Variants in IL1RAPL2 observed in about 807,000 individuals in gnomAD.
IL1RAPL2 encodes the protein interleukin 1 receptor accessory protein like 2.
Under a neutral mutation model 44.1 loss-of-function variants are expected in IL1RAPL2, and 3 were observed. That is an observed-to-expected ratio of 0.07 (90% CI 0.03 to 0.18). IL1RAPL2 has a LOEUF of 0.18. Ranked by LOEUF, IL1RAPL2 falls within the 10% of genes least tolerant of loss-of-function variation. The pLI is 1.00. For missense variants in IL1RAPL2, 391 were observed against 496.4 expected, an observed-to-expected ratio of 0.79 and a Z score of 2.02; for synonymous variants, 181 against 178.8, an observed-to-expected ratio of 1.01 and a Z score of -0.10.
At chrX:105,555,514 G>T (rs772261185) in intron 6 of IL1RAPL2, among the ~76,000 whole-genome samples, 11 of 112,185 alleles carry the variant, frequency 9.8e-5, no homozygotes, top group African/African-American at 3.2e-4. Flanking sequence ...GTAAGTGGAA[G>T]TTCTAAGAAG....
At chrX:105,104,471 T>A (rs1165039652) in intron 2 of IL1RAPL2, among the ~76,000 whole-genome samples, 1 of 111,805 alleles carries the variant, frequency 8.9e-6, no homozygotes, top group African/African-American at 3.3e-5. Context: ...TGTAACTGGA[T>A]GAACAATGGA....
At chrX:104,572,025 A>G (rs1407186025) in intron 1 of IL1RAPL2, among the ~76,000 whole-genome samples, 1 of 112,244 alleles carries the variant, frequency 8.9e-6, no homozygotes, top group African/African-American at 3.2e-5. Flanking sequence ...GCATCACTCT[A>G]GGAATCATCT....
At chrX:105,187,171 G>A (rs2033595947) in intron 2 of IL1RAPL2, among the ~76,000 whole-genome samples, 1 of 111,851 alleles carries the variant, frequency 8.9e-6, no homozygotes, top group African/African-American at 3.3e-5. Flanking sequence ...TAAAAAACTT[G>A]TAAAGCACTG....
At chrX:105,321,353 C>G (rs2034895918) in intron 5 of IL1RAPL2, among the ~76,000 whole-genome samples, 1 of 111,480 alleles carries the variant, frequency 9.0e-6, no homozygotes, top group African/African-American at 3.3e-5. Flanking sequence ...GACCAGCATG[C>G]AGATATCCCA....
intron 3 of IL1RAPL2, among the ~76,000 whole-genome samples, chrX:105,204,426 A>C (rs1020708490): frequency 8.9e-6 from 1 of 111,994 alleles, no homozygotes; most frequent in Non-Finnish European, 1.9e-5. Flanking sequence ...AACTCTTTAA[A>C]AGGGCAGAGG....
At chrX:105,243,580 TATATGTGTATATATATATATATATA>T (rs1215927740) in intron 4 of IL1RAPL2, among the ~76,000 whole-genome samples, 1 of 92,326 alleles carries the variant, frequency 1.1e-5, no homozygotes, top group African/African-American at 5.5e-5. Context: ...TATATATATA[TATATGTGTATATATATATATATATA>T]TTTTTTTTTT....
chrX:105,500,596 C>A (rs1373574066), intron 6 of IL1RAPL2, among the ~76,000 whole-genome samples: 1 of 111,349 alleles, frequency 9.0e-6, no homozygotes, highest in Non-Finnish European at 1.9e-5. Context: ...CCTCCTCTTT[C>A]TCATCTTTAA....
At chrX:104,696,641 AAC>A (rs1167956866) in intron 2 of IL1RAPL2, among the ~76,000 whole-genome samples, 4 of 111,743 alleles carry the variant, frequency 3.6e-5, no homozygotes, top group African/African-American at 1.3e-4. Context: ...CATAGTAGGA[AAC>A]ACAGGGATTT....
intron 4 of IL1RAPL2, among the ~76,000 whole-genome samples, chrX:105,236,211 TCTC>T (rs1165538698): frequency 8.9e-6 from 1 of 112,122 alleles, no homozygotes; most frequent in Non-Finnish European, 1.9e-5. Context: ...ACTTCTTTCT[TCTC>T]CTTTTCTCAT....
chrX:104,685,195 T>G (rs1930963339), intron 2 of IL1RAPL2, among the ~76,000 whole-genome samples: 1 of 112,223 alleles, frequency 8.9e-6, no homozygotes, highest in Non-Finnish European at 1.9e-5. Context: ...TTCTCTTAAC[T>G]GACAGAAACA....
At chrX:105,252,175 A>G (rs910347315) in intron 4 of IL1RAPL2, among the ~76,000 whole-genome samples, 16 of 111,594 alleles carry the variant, frequency 1.4e-4, no homozygotes, top group Non-Finnish European at 2.1e-4. Context: ...ATATAAATGG[A>G]ATAATATGAT....
chrX:105,293,334 G>A (rs1184325686), intron 5 of IL1RAPL2, among the ~76,000 whole-genome samples: 1 of 111,899 alleles, frequency 8.9e-6, no homozygotes, highest in Non-Finnish European at 1.9e-5. Context: ...TTTCATATCA[G>A]TAATGATAGA....
intron 2 of IL1RAPL2, among the ~76,000 whole-genome samples, chrX:105,115,929 C>G (rs1209005306): frequency 8.8e-6 from 1 of 113,417 alleles, no homozygotes; most frequent in Non-Finnish European, 1.9e-5. Flanking sequence ...GGCGAGAAAT[C>G]AAGCACAGCA....
intron 5 of IL1RAPL2, among the ~76,000 whole-genome samples, chrX:105,403,842 C>T (rs1313439367): frequency 2.7e-5 from 3 of 111,475 alleles, no homozygotes; most frequent in African/African-American, 6.5e-5. Context: ...CACCTCCAAA[C>T]GGCCATTAAA....
intron 2 of IL1RAPL2, among the ~76,000 whole-genome samples, chrX:104,709,226 C>G (rs1190043661): frequency 9.2e-6 from 1 of 108,877 alleles, no homozygotes; most frequent in African/African-American, 3.3e-5. Context: ...TTGAGCCTGT[C>G]CCATTCAGAG....
chrX:104,593,991 A>G (rs1928717603), intron 1 of IL1RAPL2, among the ~76,000 whole-genome samples: 1 of 112,007 alleles, frequency 8.9e-6, no homozygotes, highest in Non-Finnish European at 1.9e-5. Flanking sequence ...TTTATTTCTT[A>G]TCTGTCTTCT....
intron 2 of IL1RAPL2, among the ~76,000 whole-genome samples, chrX:105,033,183 C>T (rs2031546576): frequency 9.0e-6 from 1 of 111,517 alleles, no homozygotes; most frequent in Non-Finnish European, 1.9e-5. Flanking sequence ...ATCCAATTTG[C>T]CAGTCTGTGT....
At chrX:105,548,438 A>G (rs2036824340) in intron 6 of IL1RAPL2, among the ~76,000 whole-genome samples, 1 of 111,469 alleles carries the variant, frequency 9.0e-6, no homozygotes, top group African/African-American at 3.3e-5. Flanking sequence ...TAAACAGCAT[A>G]GACAAAAGCC....
chrX:104,575,255 TATA>T (rs1449404144), intron 1 of IL1RAPL2, among the ~76,000 whole-genome samples: 22 of 111,408 alleles, frequency 2.0e-4, no homozygotes, highest in African/African-American at 3.9e-4. Context: ...TGGATAAACA[TATA>T]ATAATAAAGA....
Sources: allele counts gnomAD v4.1 joint callset (sites outside exome capture counted in the v4.1 genomes callset), GRCh38; gene constraint gnomAD v4.1.1; transcripts MANE v1.5; gene names NCBI Gene and HGNC (gene_info 2026-07-23, HGNC 2026-07-21).